TNC: variants seen among roughly 807,000 people sequenced by gnomAD.
TNC encodes tenascin.
Under a neutral mutation model 202.4 loss-of-function variants are expected in TNC, and 109 were observed. That is an observed-to-expected ratio of 0.54 (90% CI 0.46 to 0.63). The LOEUF (loss-of-function observed/expected upper bound fraction) is 0.63. TNC is among the 30% of genes least tolerant of loss of function. The pLI, the probability that TNC is intolerant of heterozygous loss-of-function variation, is 0.00. For missense variants in TNC, 2,756 were observed against 2,833.3 expected, an observed-to-expected ratio of 0.97 and a Z score of 0.62; for synonymous variants, 1,007 against 1,089.7, an observed-to-expected ratio of 0.92 and a Z score of 1.50.
At chr9:115,088,066 G>A (rs995404242) in intron 2 of TNC, among the ~76,000 whole-genome samples, 1 of 152,206 alleles carries the variant, frequency 6.6e-6, no homozygotes, top group Non-Finnish European at 1.5e-5. Context: ...CCAAGAAATA[G>A]TTGTTGAACT....
chr9:115,085,679 T>G (rs1742886291), intron 3 of TNC, among the ~76,000 whole-genome samples, 185 bp downstream of exon 3: 3 of 152,202 alleles, frequency 2.0e-5, no homozygotes, highest in Admixed American at 2.0e-4. Flanking sequence ...TAGGTCACCT[T>G]GTAACAACGG....
chr9:115,095,671 T>C lies in TNC; in HGVS notation c.-136-4517A>G, dbSNP rs555573356. 6.5e-3 allele frequency among the ~76,000 whole-genome samples: 381 copies of C among 58,480 alleles called. 1 individual carries two copies. Among genetic ancestry groups the C allele is most frequent in the Middle Eastern group, 0.024 (2 of 84 alleles). The allele number at this position is 58,480 out of a possible 152,430, so 38.4% of individuals were successfully genotyped here. ...ATATGTATATATATGTATATATATA[T>C]GTATATATATGTATATATATATGTA... On this transcript the variant is annotated intron_variant, in intron 1 of 27. Coordinates refer to ENST00000350763, the MANE Select transcript of TNC (RefSeq NM_002160.4).
intron 22 of TNC, among the ~76,000 whole-genome samples, chr9:115,033,333 T>TG (rs1398922372): frequency 2.0e-5 from 3 of 152,100 alleles, no homozygotes; most frequent in Admixed American, 6.6e-5. Context: ...TTCTAGTCCC[T>TG]GGGGGAAAGA....
chr9:115,082,254 G>T (rs530408739), intron 5 of TNC, among the ~76,000 whole-genome samples: 18 of 152,352 alleles, frequency 1.2e-4, no homozygotes, highest in African/African-American at 4.3e-4. Flanking sequence ...TAGGGTGATT[G>T]TTGGATAGTC....
chr9:115,116,891 C>A (rs568031031), intron 1 of TNC, among the ~76,000 whole-genome samples: 3 of 152,106 alleles, frequency 2.0e-5, no homozygotes, highest in Non-Finnish European at 2.9e-5. Context: ...GGGCTGGGGG[C>A]GGGCTGAGGA....
intron 22 of TNC, 132 bp from the exon 23 acceptor site, chr9:115,031,817 C>T (rs1588007406): frequency 1.8e-6 from 2 of 1,108,024 alleles, no homozygotes; most frequent in Non-Finnish European, 2.5e-6. Flanking sequence ...TCATTGAGTA[C>T]CCACTCTCTA....
intron 10 of TNC, among the ~76,000 whole-genome samples, chr9:115,072,025 G>T (rs914900592): frequency 2.0e-5 from 3 of 152,210 alleles, no homozygotes; most frequent in African/African-American, 7.2e-5. Flanking sequence ...TCAGACTCTG[G>T]CAGGGACTGC....
chr9:115,063,599 G>A (rs1832714701), intron 12 of TNC, among the ~76,000 whole-genome samples, 197 bp downstream of exon 12: 1 of 152,116 alleles, frequency 6.6e-6, no homozygotes, highest in African/African-American at 2.4e-5. Flanking sequence ...GGAGTAGGTG[G>A]AATTTTCCAT....
In TNC at chr9:115,058,247, G is replaced by C. The variant is rs142860868; in HGVS notation, c.4307-822C>G. On this transcript the variant is annotated intron_variant, in intron 14 of 27. Coordinates refer to ENST00000350763, the MANE Select transcript of TNC (RefSeq NM_002160.4). ...TAAAACATGCAGAGGGCAGGTAGGAGCAGGGTTTGAAAAGCTAGTACTGTC... is the reference window on the plus strand; with the variant it reads ...TAAAACATGCAGAGGGCAGGTAGGACCAGGGTTTGAAAAGCTAGTACTGTC... Among the ~76,000 whole-genome samples the C allele has an allele frequency of 8.3e-3, 1,261 of 152,306 alleles. 10 individuals carry two copies. Among genetic ancestry groups the C allele is most frequent in the Non-Finnish European group, 0.015 (996 of 68,024 alleles).
intron 24 of TNC, among the ~76,000 whole-genome samples, chr9:115,029,830 TAG>T (rs1182021268): frequency 6.6e-6 from 1 of 152,154 alleles, no homozygotes; most frequent in Non-Finnish European, 1.5e-5. Flanking sequence ...TCTAAAAAAA[TAG>T]AGTTTATTAA....
Position 115,021,231 on chromosome 9 carries a change from A to C in TNC, c.6532T>G (p.Ser2178Ala), listed in dbSNP as rs1281749443. The part of the protein sequence containing the change: ...NWFHWKGHEH[S>A]IQFAEMKLRP... ...AGCTTCATCTCAGCAAACTGGATTG[A>C]GTGTTCGTGGCCCTTCCAGTGGAAC... The change falls in exon 28 of 28, where the codon TCA (serine) becomes GCA (alanine). Residue 2178 changes from serine (S) to alanine (A), a missense_variant. This residue lies in a region of TNC where 197 missense variants were observed against 287.3 expected (regional missense o/e 0.69). Transcript: ENST00000350763. 3.1e-6 allele frequency: 5 copies of C among 1,612,910 alleles called. No individual in the cohort carries two copies. The highest frequency in any genetic ancestry group is 4.2e-6 in the Non-Finnish European group (5 of 1,179,780).
intron 14 of TNC, among the ~76,000 whole-genome samples, chr9:115,059,310 A>G (rs949394751): frequency 3.3e-5 from 5 of 152,158 alleles, no homozygotes; most frequent in Admixed American, 1.3e-4. Context: ...ATAGAAAAGC[A>G]CCATTTCCAA....
chr9:115,118,005 G>T lies in TNC; in HGVS notation c.-160C>A, dbSNP rs1837599117. ...ACCTTTCCGATGGGCGAGAGACCTA[G>T]GTCCTTGGAAGAAGTACCTGGAGTG... On this transcript the variant is annotated 5_prime_UTR_variant, in exon 1 of 28. Transcript: ENST00000350763. 1 of 152,214 alleles carries T rather than the reference G, an allele frequency of 6.6e-6. No individual in the cohort carries two copies. The highest frequency in any genetic ancestry group is 2.1e-4 in the South Asian group (1 of 4,830). 9.4% of individuals were successfully genotyped at this position (152,214 alleles called of 1,614,324 possible).
At chr9:115,073,570 C>A in intron 10 of TNC, 33 bp downstream of exon 10, 2 of 1,597,980 alleles carry the variant, frequency 1.3e-6, no homozygotes, top group Non-Finnish European at 1.7e-6. Flanking sequence ...CAGAATCAAC[C>A]TAGAGTTTGG....
At chr9:115,092,366 G>A (rs1564132961) in intron 1 of TNC, among the ~76,000 whole-genome samples, 2 of 152,184 alleles carry the variant, frequency 1.3e-5, no homozygotes, top group East Asian at 3.9e-4. Context: ...ACCTGTATGA[G>A]CAATCAGGTA....
intron 1 of TNC, among the ~76,000 whole-genome samples, chr9:115,096,271 T>A (rs1835782483): frequency 2.0e-5 from 3 of 152,330 alleles, no homozygotes; most frequent in African/African-American, 7.2e-5. Context: ...TTCATTGGTC[T>A]TGAATTCGAA....
intron 1 of TNC, among the ~76,000 whole-genome samples, chr9:115,115,848 C>G (rs1837421451): frequency 6.6e-6 from 1 of 152,192 alleles, no homozygotes; most frequent in Admixed American, 6.5e-5. Flanking sequence ...GACCCCACTT[C>G]AACCAAAGCA....
At chr9:115,103,074 C>A (rs1564149489) in intron 1 of TNC, among the ~76,000 whole-genome samples, 1 of 152,172 alleles carries the variant, frequency 6.6e-6, no homozygotes. Flanking sequence ...TTCAGTTATT[C>A]AGTGAGTATT....
chr9:115,063,072 G>A lies in TNC; in HGVS notation c.3878C>T (p.Ala1293Val), dbSNP rs757784322. 2 of 1,614,170 alleles carry A rather than the reference G, an allele frequency of 1.2e-6. No homozygotes were observed. The highest frequency in any genetic ancestry group is 2.2e-5 in the South Asian group (2 of 91,080). Residue 1293 changes from alanine to valine, a missense_variant, in exon 13 of 28, where the codon GCT (alanine) becomes GTT (valine). Around this residue, in one of 2 missense-constraint regions of TNC, gnomAD observed 2,559 missense variants for 2,546.0 expected, o/e 1.01. Coordinates refer to ENST00000350763, the MANE Select transcript of TNC (RefSeq NM_002160.4). ...ATTGTGAGCCTCTTCCACCTGGTCA[G>A]CCTCCTGGACCTGAATAGTAAACTG... ...YDQFTIQVQEADQVEEAHNLT... is the reference protein window; with the variant it reads ...YDQFTIQVQEVDQVEEAHNLT...
Sources: allele counts gnomAD v4.1 joint callset (sites outside exome capture counted in the v4.1 genomes callset), GRCh38; gene constraint gnomAD v4.1.1; regional missense constraint gnomAD v4.1.1; transcripts MANE v1.5; gene names NCBI Gene and HGNC (gene_info 2026-07-23, HGNC 2026-07-21).